The following TNNI3K variants were observed in gnomAD, a reference collection of about 807,000 sequenced individuals.
TNNI3K encodes TNNI3 interacting kinase, also known as serine/threonine-protein kinase TNNI3K.
TNNI3K carries 140 observed loss-of-function variants against 114.5 expected under a neutral mutation model. That is an observed-to-expected ratio of 1.22 (90% CI 1.07 to 1.41). The LOEUF (loss-of-function observed/expected upper bound fraction) is 1.41. Among genes scored for constraint, TNNI3K ranks in the 40% most tolerant of loss-of-function variants. TNNI3K has a pLI of 0.00. For missense variants in TNNI3K, 1,125 were observed against 1,007.6 expected, an observed-to-expected ratio of 1.12 and a Z score of -1.58; for synonymous variants, 347 against 347.5, an observed-to-expected ratio of 1.00 and a Z score of 0.02.
chr1:74,528,652 G>C (rs1040668369), intron 23 of TNNI3K, among the ~76,000 whole-genome samples: 5 of 152,206 alleles, frequency 3.3e-5, no homozygotes, highest in African/African-American at 7.2e-5. Flanking sequence ...CTGTTGGTTG[G>C]TTTGGAACTG....
intron 21 of TNNI3K, chr1:74,470,713 GT>G: frequency 2.5e-6 from 1 of 400,460 alleles, no homozygotes; most frequent in Non-Finnish European, 4.4e-6. Flanking sequence ...TGTCATTAAT[GT>G]TTTTTCTTTA....
At chr1:74,258,767 G>A (rs1655486676) in intron 4 of TNNI3K, among the ~76,000 whole-genome samples, 1 of 152,088 alleles carries the variant, frequency 6.6e-6, no homozygotes, top group South Asian at 2.1e-4. Flanking sequence ...TTTTCCTGTA[G>A]TCTCTGCCTG....
chr1:74,486,234 G>GT (rs1668757949), intron 21 of TNNI3K, among the ~76,000 whole-genome samples: 1 of 56,262 alleles, frequency 1.8e-5, no homozygotes, highest in Non-Finnish European at 4.9e-5. Flanking sequence ...AGAGAGAGAG[G>GT]TGGGAAATAT....
At chr1:74,474,875 T>G (rs1451747526) in intron 21 of TNNI3K, among the ~76,000 whole-genome samples, 1 of 152,052 alleles carries the variant, frequency 6.6e-6, no homozygotes, top group Non-Finnish European at 1.5e-5. Context: ...GGCCCATTCT[T>G]CTAACATGTC....
chr1:74,336,480 C>G (rs1660472356), intron 7 of TNNI3K, among the ~76,000 whole-genome samples: 1 of 151,294 alleles, frequency 6.6e-6, no homozygotes, highest in African/African-American at 2.4e-5. Flanking sequence ...AAGTATATCT[C>G]CCGATGCTAT....
At chr1:74,480,435 G>T (rs1381721691) in intron 21 of TNNI3K, 1 of 717,538 alleles carries the variant, frequency 1.4e-6, no homozygotes, top group Non-Finnish European at 2.6e-6. Flanking sequence ...AAGCTCAGAA[G>T]GATTAACTGC....
At chr1:74,531,124 T>G (rs1280218353) in intron 23 of TNNI3K, among the ~76,000 whole-genome samples, 1 of 152,232 alleles carries the variant, frequency 6.6e-6, no homozygotes, top group Non-Finnish European at 1.5e-5. Flanking sequence ...TGGGGACATT[T>G]GCCATTGAAA....
At chr1:74,375,928 A>AT (rs1662882133) in intron 17 of TNNI3K, 1 of 187,298 alleles carries the variant, frequency 5.3e-6, no homozygotes. Context: ...ATTCTCATAC[A>AT]TACAGAGGTT....
At chr1:74,383,130 T>C (rs1663290850) in intron 17 of TNNI3K, among the ~76,000 whole-genome samples, 1 of 151,932 alleles carries the variant, frequency 6.6e-6, no homozygotes, top group African/African-American at 2.4e-5. Context: ...TCTTCTTCTG[T>C]TGAGATATGG....
chr1:74,276,322 T>C (rs1225992492), intron 5 of TNNI3K, among the ~76,000 whole-genome samples: 2 of 152,086 alleles, frequency 1.3e-5, no homozygotes, highest in Admixed American at 1.3e-4. Flanking sequence ...TTGGGCATAA[T>C]GGATGGTCAT....
intron 5 of TNNI3K, among the ~76,000 whole-genome samples, chr1:74,301,616 G>A (rs1227216674): frequency 6.6e-6 from 1 of 152,102 alleles, no homozygotes; most frequent in African/African-American, 2.4e-5. Flanking sequence ...TGGGAGATAT[G>A]GCTTCTCAGT....
intron 21 of TNNI3K, among the ~76,000 whole-genome samples, chr1:74,466,685 A>C (rs1454213454): frequency 1.3e-5 from 2 of 152,300 alleles, no homozygotes; most frequent in East Asian, 3.9e-4. Context: ...CCTCAGGATA[A>C]TGAAGTTGAG....
chr1:74,437,789 G>C (rs1666201957), intron 19 of TNNI3K, among the ~76,000 whole-genome samples: 1 of 144,986 alleles, frequency 6.9e-6, no homozygotes, highest in Non-Finnish European at 1.6e-5. Context: ...ATTAAAATAA[G>C]TTTAGAAACT....
chr1:74,459,434 A>C (rs1667355838), intron 20 of TNNI3K, among the ~76,000 whole-genome samples: 1 of 152,216 alleles, frequency 6.6e-6, no homozygotes, highest in Non-Finnish European at 1.5e-5. Flanking sequence ...AGGAAAAGTC[A>C]ATCAAAGATA....
At chr1:74,326,897 A>G (rs1445561282) in intron 5 of TNNI3K, among the ~76,000 whole-genome samples, 1 of 152,086 alleles carries the variant, frequency 6.6e-6, no homozygotes, top group Non-Finnish European at 1.5e-5. Flanking sequence ...CCTTGCCAAC[A>G]TAGTGAAAAC....
intron 4 of TNNI3K, 61 bp from the exon 5 acceptor site, chr1:74,271,537 T>G: frequency 6.8e-7 from 1 of 1,472,484 alleles, no homozygotes; most frequent in Non-Finnish European, 9.2e-7. Flanking sequence ...TACATCCTGT[T>G]GCACAGCTTT....
At chr1:74,521,990 T>TA (rs906678754) in intron 23 of TNNI3K, among the ~76,000 whole-genome samples, 3 of 151,954 alleles carry the variant, frequency 2.0e-5, no homozygotes, top group Admixed American at 2.0e-4. Context: ...CCAGGTAGAG[T>TA]AAAAAAAATT....
intron 17 of TNNI3K, among the ~76,000 whole-genome samples, chr1:74,414,828 T>C (rs1665043145): frequency 6.6e-6 from 1 of 152,184 alleles, no homozygotes; most frequent in Admixed American, 6.5e-5. Flanking sequence ...ACCTGGACTA[T>C]CATAGTAAAT....
At chr1:74,533,334 G>A (rs1646616508) in intron 23 of TNNI3K, among the ~76,000 whole-genome samples, 1 of 152,202 alleles carries the variant, frequency 6.6e-6, no homozygotes, top group Non-Finnish European at 1.5e-5. Context: ...CTGGCCATCA[G>A]AGAAATGCAA....
Sources: gnomAD v4.1 joint callset for allele counts (sites outside exome capture counted in the v4.1 genomes callset) on GRCh38, gnomAD v4.1.1 for gene constraint, MANE v1.5 for transcripts, NCBI Gene and HGNC (gene_info 2026-07-23, HGNC 2026-07-21) for gene names.